The following TMEM132D variants were observed in gnomAD, a reference collection of about 807,000 sequenced individuals.
The protein encoded by TMEM132D is transmembrane protein 132D, also known as mature OL transmembrane protein.
Under a neutral mutation model 62.3 loss-of-function variants are expected in TMEM132D, and 21 were observed. The ratio of observed to expected loss-of-function variants is 0.34; its 90% confidence interval spans 0.24 to 0.49. The LOEUF (loss-of-function observed/expected upper bound fraction) is 0.49. TMEM132D is among the 20% of genes least tolerant of loss of function. The pLI is 0.99. For synonymous variants in TMEM132D, 621 were observed against 575.6 expected, an observed-to-expected ratio of 1.08 and a Z score of -1.13; for missense variants, 1,346 against 1,402.8, an observed-to-expected ratio of 0.96 and a Z score of 0.65.
intron 1 of TMEM132D, among the ~76,000 whole-genome samples, chr12:129,849,048 G>T (rs540892404): frequency 7.1e-6 from 1 of 141,412 alleles, no homozygotes; most frequent in Non-Finnish European, 1.6e-5. Context: ...TGGAGTAGGG[G>T]CTTAGTAATT....
At chr12:129,588,124 A>G (rs894693028) in intron 2 of TMEM132D, among the ~76,000 whole-genome samples, 7 of 152,226 alleles carry the variant, frequency 4.6e-5, no homozygotes, top group Admixed American at 4.6e-4. Flanking sequence ...TCCCTTCTGT[A>G]AAAATGCTTG....
At chr12:129,466,206 G>T (rs546227078) in intron 3 of TMEM132D, among the ~76,000 whole-genome samples, 1 of 150,240 alleles carries the variant, frequency 6.7e-6, no homozygotes, top group South Asian at 2.1e-4. Flanking sequence ...GAATGTTTCT[G>T]CTCTCTCATG....
At chr12:129,715,221 AGGTAAGG>A (rs1360677024) in intron 1 of TMEM132D, among the ~76,000 whole-genome samples, 1 of 152,144 alleles carries the variant, frequency 6.6e-6, no homozygotes, top group Non-Finnish European at 1.5e-5. Flanking sequence ...AGACAGAGAA[AGGTAAGG>A]GGAGGAGGAA....
At chr12:129,453,275 G>A (rs1242265770) in intron 3 of TMEM132D, among the ~76,000 whole-genome samples, 1 of 152,180 alleles carries the variant, frequency 6.6e-6, no homozygotes, top group African/African-American at 2.4e-5. Context: ...AAGAAGGCGT[G>A]CCTACTAAAC....
intron 2 of TMEM132D, among the ~76,000 whole-genome samples, chr12:129,605,587 TTATATATATA>T (rs71301340): frequency 2.8e-5 from 3 of 107,384 alleles, no homozygotes; most frequent in African/African-American, 1.2e-4. Context: ...AAATTAGGCA[TTATATATATA>T]TATATATACA....
intron 5 of TMEM132D, among the ~76,000 whole-genome samples, chr12:129,100,756 T>A (rs1026994416): frequency 6.6e-6 from 1 of 152,250 alleles, no homozygotes; most frequent in Non-Finnish European, 1.5e-5. Flanking sequence ...GTAAAAAGCC[T>A]CATTAGTTAA....
At chr12:129,132,081 T>G (rs967617961) in intron 5 of TMEM132D, among the ~76,000 whole-genome samples, 1 of 152,238 alleles carries the variant, frequency 6.6e-6, no homozygotes, top group Admixed American at 6.5e-5. Context: ...CCTCACTGTT[T>G]TTTTATTTGC....
At position 129,864,098 on chromosome 12, in the gene TMEM132D, C is replaced by T. The variant is rs556423566; in HGVS notation, c.79+39163G>A. Among the ~76,000 whole-genome samples the T allele has an allele frequency of 5.6e-4, 85 of 152,302 alleles. 1 individual carries two copies. Among genetic ancestry groups the T allele is most frequent in the Admixed American group, 5.6e-3 (85 of 15,298 alleles). On this transcript the variant is annotated intron_variant, in intron 1 of 8. Transcript: ENST00000422113. The stretch of plus-strand genomic sequence containing the variant: ...TTCCAAAGGTGGGGCATAAAAAGCA[C>T]TGCCACTCCTATCTTACTCTCTGGG...
At chr12:129,490,205 A>G (rs1406935443) in intron 3 of TMEM132D, among the ~76,000 whole-genome samples, 3 of 152,162 alleles carry the variant, frequency 2.0e-5, no homozygotes, top group Admixed American at 6.5e-5. Context: ...GCTACTCCAC[A>G]CAATACTCAA....
intron 4 of TMEM132D, among the ~76,000 whole-genome samples, chr12:129,301,909 G>A (rs1593329202): frequency 6.6e-6 from 1 of 151,970 alleles, no homozygotes; most frequent in East Asian, 1.9e-4. Flanking sequence ...GACGCTGAAG[G>A]GAACATAATA....
At chr12:129,746,260 C>T (rs904836029) in intron 1 of TMEM132D, among the ~76,000 whole-genome samples, 1 of 152,164 alleles carries the variant, frequency 6.6e-6, no homozygotes, top group Non-Finnish European at 1.5e-5. Context: ...GGTAAAGAGT[C>T]TGTGTCTCAT....
chr12:129,305,331 T>C (rs1382124171), intron 4 of TMEM132D, among the ~76,000 whole-genome samples: 3 of 152,202 alleles, frequency 2.0e-5, no homozygotes, highest in Admixed American at 6.5e-5. Context: ...CACTCTCCTG[T>C]ATACACATCT....
chr12:129,562,298 G>A (rs774679544), intron 2 of TMEM132D, among the ~76,000 whole-genome samples: 1 of 152,046 alleles, frequency 6.6e-6, no homozygotes, highest in Non-Finnish European at 1.5e-5. Flanking sequence ...GATTGTAATG[G>A]ATTTGAGGCA....
chr12:129,815,698 C>T (rs1272973800), intron 1 of TMEM132D, among the ~76,000 whole-genome samples: 1 of 152,158 alleles, frequency 6.6e-6, no homozygotes, highest in Non-Finnish European at 1.5e-5. Flanking sequence ...GAATGCTCCC[C>T]CGGTTACAAA....
chr12:129,594,160 C>T (rs1011178857), intron 2 of TMEM132D, among the ~76,000 whole-genome samples: 5 of 152,150 alleles, frequency 3.3e-5, no homozygotes, highest in East Asian at 3.9e-4. Flanking sequence ...AACCACGGGG[C>T]GCTTCCCAGC....
chr12:129,437,431 CCTAAATGTTAA>C (rs1566068382), intron 3 of TMEM132D, among the ~76,000 whole-genome samples: 1 of 152,132 alleles, frequency 6.6e-6, no homozygotes, highest in African/African-American at 2.4e-5. Context: ...AAGCACAATG[CCTAAATGTTAA>C]TAGAGGTTAA....
chr12:129,660,812 T>G (rs991106416), intron 2 of TMEM132D, among the ~76,000 whole-genome samples: 1 of 152,094 alleles, frequency 6.6e-6, no homozygotes, highest in Non-Finnish European at 1.5e-5. Flanking sequence ...TAACTCTCCA[T>G]GACAGATAGT....
At chr12:129,511,159 G>A (rs1252067927) in intron 3 of TMEM132D, among the ~76,000 whole-genome samples, 3 of 152,112 alleles carry the variant, frequency 2.0e-5, no homozygotes, top group Non-Finnish European at 4.4e-5. Context: ...AACCCACCAA[G>A]TTCTTTTGTG....
intron 1 of TMEM132D, among the ~76,000 whole-genome samples, chr12:129,735,733 C>T (rs1284290742): frequency 6.6e-6 from 1 of 152,100 alleles, no homozygotes; most frequent in Non-Finnish European, 1.5e-5. Context: ...AATGGATGGT[C>T]AGAATAACAG....
Sources: gnomAD v4.1 joint callset for allele counts (sites outside exome capture counted in the v4.1 genomes callset) on GRCh38, gnomAD v4.1.1 for gene constraint, MANE v1.5 for transcripts, NCBI Gene and HGNC (gene_info 2026-07-23, HGNC 2026-07-21) for gene names.